KCNN2: variants seen among roughly 807,000 people sequenced by gnomAD.
KCNN2 encodes the protein small conductance calcium-activated potassium channel protein 2.
Under a neutral mutation model 55.5 loss-of-function variants are expected in KCNN2, and 24 were observed. That is an observed-to-expected ratio of 0.43 (90% CI 0.31 to 0.61). The LOEUF is 0.61. Ranked by LOEUF, KCNN2 falls within the 20% of genes least tolerant of loss-of-function variation. The pLI is 0.08. For synonymous variants in KCNN2, 431 were observed against 336.1 expected, an observed-to-expected ratio of 1.28 and a Z score of -3.09; for missense variants, 754 against 853.6, an observed-to-expected ratio of 0.88 and a Z score of 1.45.
chr5:114,198,410 A>C (rs925921902), intron 1 of KCNN2, among the ~76,000 whole-genome samples: 1 of 149,710 alleles, frequency 6.7e-6, no homozygotes, highest in African/African-American at 2.4e-5. Flanking sequence ...ATATATATCC[A>C]TACATATACG....
At chr5:114,473,451 G>A (rs983275043) in intron 5 of KCNN2, among the ~76,000 whole-genome samples, 1 of 152,036 alleles carries the variant, frequency 6.6e-6, no homozygotes, top group African/African-American at 2.4e-5. Flanking sequence ...GCCAATTCTT[G>A]GATTGAGTAG....
chr5:114,456,113 C>T (rs1287377152), intron 3 of KCNN2, among the ~76,000 whole-genome samples: 2 of 152,128 alleles, frequency 1.3e-5, no homozygotes, highest in Admixed American at 6.5e-5. Context: ...AAAAATATGT[C>T]ATCTAGGAAT....
intron 2 of KCNN2, among the ~76,000 whole-genome samples, chr5:114,265,880 A>G (rs770228961): frequency 1.1e-4 from 16 of 152,146 alleles, no homozygotes; most frequent in Non-Finnish European, 1.6e-4. Flanking sequence ...AAAAGATTTA[A>G]TCAAAGCAAA....
chr5:114,282,991 TG>T (rs1171453204), intron 2 of KCNN2, among the ~76,000 whole-genome samples: 1 of 152,194 alleles, frequency 6.6e-6, no homozygotes, highest in Non-Finnish European at 1.5e-5. Flanking sequence ...TTTAAGATTT[TG>T]TTATTGTCTT....
intron 2 of KCNN2, among the ~76,000 whole-genome samples, chr5:114,262,500 G>A (rs1263913321): frequency 6.6e-6 from 1 of 152,186 alleles, no homozygotes; most frequent in Non-Finnish European, 1.5e-5. Flanking sequence ...TCCTGGGCCA[G>A]ATTGCCTGGG....
intron 2 of KCNN2, among the ~76,000 whole-genome samples, chr5:114,399,170 G>T (rs1758708317): frequency 6.6e-6 from 1 of 152,112 alleles, no homozygotes; most frequent in South Asian, 2.1e-4. Context: ...CATGATGTTG[G>T]CTGTGGGTTT....
intron 2 of KCNN2, among the ~76,000 whole-genome samples, chr5:114,368,782 C>T (rs1055989239): frequency 2.6e-4 from 39 of 152,070 alleles, no homozygotes; most frequent in African/African-American, 8.2e-4. Flanking sequence ...AATTTCAATA[C>T]GGAATATTTA....
intron 1 of KCNN2, among the ~76,000 whole-genome samples, chr5:114,139,854 A>G (rs1752241006): frequency 1.3e-5 from 2 of 151,982 alleles, no homozygotes; most frequent in South Asian, 4.1e-4. Flanking sequence ...TGGAACGACA[A>G]TTAAAATACT....
chr5:114,454,339 G>T (rs1332778429), intron 3 of KCNN2, among the ~76,000 whole-genome samples: 1 of 151,986 alleles, frequency 6.6e-6, no homozygotes, highest in Non-Finnish European at 1.5e-5. Flanking sequence ...AGATTCAAGT[G>T]TGTGCTGATC....
chr5:114,184,841 A>G (rs1258919509), intron 1 of KCNN2, among the ~76,000 whole-genome samples: 2 of 152,184 alleles, frequency 1.3e-5, no homozygotes, highest in Non-Finnish European at 2.9e-5. Context: ...CTCCTTTTGG[A>G]CTTAGTTTTA....
At chr5:114,473,640 A>G (rs754261347) in intron 5 of KCNN2, among the ~76,000 whole-genome samples, 29 of 152,286 alleles carry the variant, frequency 1.9e-4, no homozygotes, top group South Asian at 1.5e-3. Context: ...CTTGACTTAC[A>G]GGCCATAAAA....
At chr5:114,064,733 T>C (rs187545954) in intron 1 of KCNN2, among the ~76,000 whole-genome samples, 1 of 152,306 alleles carries the variant, frequency 6.6e-6, no homozygotes, top group Admixed American at 6.5e-5. Flanking sequence ...AGGGGGCATT[T>C]TGAAAGTTCC....
chr5:114,254,648 A>G (rs542185242), intron 2 of KCNN2, among the ~76,000 whole-genome samples: 1 of 152,192 alleles, frequency 6.6e-6, no homozygotes, highest in African/African-American at 2.4e-5. Context: ...TTTAGCTTAT[A>G]GTGTGCTTTT....
chr5:114,299,578 C>T (rs1365787877), intron 2 of KCNN2, among the ~76,000 whole-genome samples: 1 of 152,142 alleles, frequency 6.6e-6, no homozygotes, highest in Non-Finnish European at 1.5e-5. Flanking sequence ...TACTGCTATC[C>T]TCTGGAAAGG....
intron 3 of KCNN2, among the ~76,000 whole-genome samples, chr5:114,457,243 A>G (rs987627287): frequency 4.8e-4 from 73 of 152,310 alleles, no homozygotes; most frequent in African/African-American, 1.6e-3. Context: ...ACACTGAGGC[A>G]AGACCCTCCA....
At chr5:114,119,702 A>G (rs1751787727) in intron 1 of KCNN2, among the ~76,000 whole-genome samples, 2 of 152,118 alleles carry the variant, frequency 1.3e-5, no homozygotes, top group Non-Finnish European at 2.9e-5. Flanking sequence ...AGAAGCCCTC[A>G]TTTTGGGCCA....
chr5:114,129,317 T>A (rs866760702), intron 1 of KCNN2, among the ~76,000 whole-genome samples: 1 of 152,216 alleles, frequency 6.6e-6, no homozygotes, highest in South Asian at 2.1e-4. Context: ...GAAAGTCTTC[T>A]GTTTGAAACC....
At chr5:114,276,721 T>C (rs1311836347) in intron 2 of KCNN2, among the ~76,000 whole-genome samples, 1 of 150,446 alleles carries the variant, frequency 6.6e-6, no homozygotes, top group East Asian at 2.0e-4. Context: ...ATTTTGAGCC[T>C]ATGTGTGTCT....
chr5:114,382,109 A>G (rs1299650022), intron 2 of KCNN2, among the ~76,000 whole-genome samples: 2 of 152,200 alleles, frequency 1.3e-5, no homozygotes, highest in Non-Finnish European at 2.9e-5. Flanking sequence ...CTATATTTTA[A>G]TCATGGATCA....
Sources: gnomAD v4.1 joint callset for allele counts (sites outside exome capture counted in the v4.1 genomes callset) on GRCh38, gnomAD v4.1.1 for gene constraint, MANE v1.5 for transcripts, NCBI Gene and HGNC (gene_info 2026-07-23, HGNC 2026-07-21) for gene names.